C12orf42: variants seen among roughly 807,000 people sequenced by gnomAD.
The protein encoded by C12orf42 is chromosome 12 open reading frame 42, also known as uncharacterized protein C12orf42.
A neutral mutation model predicts 21.6 loss-of-function variants in C12orf42; 25 were observed. That is an observed-to-expected ratio of 1.16 (90% confidence interval 0.84 to 1.62). The LOEUF (loss-of-function observed/expected upper bound fraction) is 1.62, where lower values mean the gene tolerates loss of function less well. Ranked by LOEUF, C12orf42 falls within the 40% of genes most tolerant of loss-of-function variation. C12orf42 has a pLI of 0.00. For synonymous variants in C12orf42, 174 were observed against 175.0 expected (o/e 0.99, Z 0.05); for missense variants, 483 against 459.3 (o/e 1.05, Z -0.47).
At chr12:103,189,229 A>G in the C12orf42 span, among the ~76,000 whole-genome samples, 2 of 152,248 alleles carry the variant, frequency 1.3e-5, no homozygotes, top group African/African-American at 4.8e-5. Flanking sequence ...GTACAAAGAC[A>G]GAAATATGAA....
downstream of C12orf42, among the ~76,000 whole-genome samples, chr12:103,233,562 A>G (rs1565985204): frequency 6.6e-6 from 1 of 152,172 alleles, no homozygotes; most frequent in East Asian, 1.9e-4. Flanking sequence ...ATACTGAAGT[A>G]CTTAATTTAG....
chr12:103,452,808 T>G (rs768835353), intron 2 of C12orf42, among the ~76,000 whole-genome samples: 25 of 151,210 alleles, frequency 1.7e-4, no homozygotes, highest in Admixed American at 1.3e-4. Flanking sequence ...TTCTCACTCA[T>G]AGGTGGGAAT....
chr12:103,449,340 G>A (rs1951791844), intron 2 of C12orf42, among the ~76,000 whole-genome samples: 1 of 151,852 alleles, frequency 6.6e-6, no homozygotes, highest in Non-Finnish European at 1.5e-5. Flanking sequence ...GACTTGGGGG[G>A]AAGGTTGGGA....
chr12:103,068,969 A>ATATATATATATACG, the C12orf42 span, among the ~76,000 whole-genome samples: 1 of 91,716 alleles, frequency 1.1e-5, no homozygotes, highest in Non-Finnish European at 2.1e-5. Context: ...ATATATATAT[A>ATATATATATATACG]TATATATATA....
chr12:103,278,950 A>T (rs2035940590), intron 4 of C12orf42, among the ~76,000 whole-genome samples: 1 of 152,184 alleles, frequency 6.6e-6, no homozygotes. Context: ...TGCTTTAGAT[A>T]CCTTATGTAA....
At chr12:103,562,865 G>A in the C12orf42 span, among the ~76,000 whole-genome samples, 30 of 152,150 alleles carry the variant, frequency 2.0e-4, no homozygotes, top group Non-Finnish European at 2.8e-4. Context: ...GTATCAGAGT[G>A]TGTCTGTATC....
chr12:103,485,971 T>C (rs1022618309), intron 1 of C12orf42, among the ~76,000 whole-genome samples: 25 of 152,362 alleles, frequency 1.6e-4, no homozygotes, highest in Admixed American at 4.6e-4. Flanking sequence ...TATTTCTTTC[T>C]CTTGCCTGAT....
chr12:103,098,505 A>G, the C12orf42 span, among the ~76,000 whole-genome samples: 1 of 152,218 alleles, frequency 6.6e-6, no homozygotes, highest in Admixed American at 6.5e-5. Flanking sequence ...TATTTTAATA[A>G]CTGCAAAAAC....
the C12orf42 span, among the ~76,000 whole-genome samples, chr12:103,176,306 T>C: frequency 4.1e-4 from 63 of 152,326 alleles, no homozygotes; most frequent in Middle Eastern, 6.8e-3. Flanking sequence ...CCCACATTTA[T>C]AGTCCTAATT....
chr12:103,153,219 G>A, the C12orf42 span, among the ~76,000 whole-genome samples: 1 of 152,110 alleles, frequency 6.6e-6, no homozygotes, highest in Non-Finnish European at 1.5e-5. Context: ...AAACTACAAA[G>A]CATTTGGAGG....
At chr12:103,181,287 A>G in the C12orf42 span, among the ~76,000 whole-genome samples, 1 of 151,830 alleles carries the variant, frequency 6.6e-6, no homozygotes, top group Non-Finnish European at 1.5e-5. Context: ...AGTAAAAATT[A>G]AAAAAAATAA....
downstream of C12orf42, among the ~76,000 whole-genome samples, chr12:103,299,380 G>C (rs1204615781): frequency 6.6e-6 from 1 of 151,562 alleles, no homozygotes; most frequent in Admixed American, 6.6e-5. Flanking sequence ...ATTATAAAAA[G>C]AGTCCTTATT....
downstream of C12orf42, among the ~76,000 whole-genome samples, chr12:103,300,263 T>G (rs572016537): frequency 9.9e-5 from 15 of 152,270 alleles, no homozygotes; most frequent in African/African-American, 2.9e-4. Flanking sequence ...TAAACAGAGT[T>G]TATCAGATTT....
intron 4 of C12orf42, among the ~76,000 whole-genome samples, chr12:103,346,262 T>C (rs1421454037): frequency 6.6e-6 from 1 of 152,236 alleles, no homozygotes; most frequent in African/African-American, 2.4e-5. Flanking sequence ...ATGTTATTAC[T>C]GCTGTAACTA....
the C12orf42 span, among the ~76,000 whole-genome samples, chr12:103,145,491 G>T: frequency 1.3e-5 from 2 of 152,200 alleles, no homozygotes; most frequent in South Asian, 4.1e-4. Flanking sequence ...TGGTGGTGAG[G>T]GTTTAGCAAA....
chr12:103,363,846 C>T (rs762716988), intron 4 of C12orf42, among the ~76,000 whole-genome samples: 7 of 151,984 alleles, frequency 4.6e-5, no homozygotes, highest in Non-Finnish European at 7.4e-5. Context: ...ATTTATAATA[C>T]AGTTACTATT....
At chr12:103,400,955 G>A (rs1415057053) in intron 3 of C12orf42, among the ~76,000 whole-genome samples, 5 of 152,106 alleles carry the variant, frequency 3.3e-5, no homozygotes, top group African/African-American at 1.2e-4. Flanking sequence ...TTTCAGTGTT[G>A]GCTGAAAGGT....
the C12orf42 span, among the ~76,000 whole-genome samples, chr12:103,154,451 A>T: frequency 2.0e-5 from 3 of 152,296 alleles, no homozygotes; most frequent in South Asian, 6.2e-4. Flanking sequence ...GCTCATCCAC[A>T]CTGGATAAGA....
At chr12:103,480,158 G>A (rs533141939) in intron 1 of C12orf42, among the ~76,000 whole-genome samples, 1 of 151,766 alleles carries the variant, frequency 6.6e-6, no homozygotes, top group Non-Finnish European at 1.5e-5. Context: ...TTTTGTGTCA[G>A]TTTTAGTAAA....
Sources: gnomAD v4.1 joint callset for allele counts (sites outside exome capture counted in the v4.1 genomes callset) on GRCh38, gnomAD v4.1.1 for gene constraint, MANE v1.5 for transcripts, NCBI Gene and HGNC (gene_info 2026-07-23, HGNC 2026-07-21) for gene names.